Variants in UGT3A2 observed in about 807,000 individuals in gnomAD.
The protein encoded by UGT3A2 is UDP glycosyltransferase family 3 member A2.
UGT3A2 carries 32 observed loss-of-function variants against 39.8 expected under a neutral mutation model. That is an observed-to-expected ratio of 0.80 (90% CI 0.61 to 1.08). The LOEUF (loss-of-function observed/expected upper bound fraction) is 1.08, where lower values mean the gene tolerates loss of function less well. UGT3A2 is among the 50% of genes least tolerant of loss of function. UGT3A2 has a pLI of 0.00. For missense variants in UGT3A2, 611 were observed against 637.1 expected (o/e 0.96, Z 0.44); for synonymous variants, 241 against 230.7 (o/e 1.04, Z -0.40).
chr5:36,035,931 G>A lies in UGT3A2; in HGVS notation c.1339C>T (p.His447Tyr), dbSNP rs1224030280. The change falls in exon 7 of 7, where the codon CAC (histidine) becomes TAC (tyrosine). Residue 447 changes from histidine (H) to tyrosine (Y), a missense_variant. Physicochemically the swap from His to Tyr is moderately conservative, Grantham distance 83 (BLOSUM62 2). Transcript: ENST00000282507. ...AGCCGCTGTGTGGGGCTGAGCGGGT[G>A]GGAGCGCAGGATGACACTGGCAGCC... Reference protein sequence around the residue: ...AVAASVILRSHPLSPTQRLVG... With the variant: ...AVAASVILRSYPLSPTQRLVG... 6.2e-7 allele frequency: 1 copy of A among 1,614,068 alleles called. No individual in the cohort carries two copies. Among genetic ancestry groups the A allele is most frequent in the Non-Finnish European group, 8.5e-7 (1 of 1,180,034 alleles).
chr5:36,065,137 C>G (rs986334594), intron 1 of UGT3A2, among the ~76,000 whole-genome samples: 8 of 151,936 alleles, frequency 5.3e-5, no homozygotes, highest in African/African-American at 1.9e-4. Context: ...AGTACATGTT[C>G]TAATACACAG....
chr5:36,035,144 G>A lies in UGT3A2; in HGVS notation c.*554C>T, dbSNP rs950506078. 1 of 157,060 alleles carries A rather than the reference G, an allele frequency of 6.4e-6. No individual in the cohort carries two copies. Among genetic ancestry groups the A allele is most frequent in the Non-Finnish European group, 1.4e-5 (1 of 70,552 alleles). 9.7% of individuals were successfully genotyped at this position (157,060 alleles called of 1,614,324 possible). ...GGCACCAGAGACAGGGACCCAATGT[G>A]GAGACCTGTGAGCCTGTGTCCGGCC... is the stretch of plus-strand genomic sequence containing the variant. On this transcript the variant is annotated 3_prime_UTR_variant, in exon 7 of 7. Coordinates refer to ENST00000282507, the MANE Select transcript of UGT3A2 (RefSeq NM_174914.4).
In UGT3A2 at chr5:36,049,049, T is replaced by A. The variant is rs751359546; in HGVS notation, c.683A>T (p.His228Leu). ...QSTFDNTIKE[H>L]FTEGSRPVLS... is the part of the protein sequence containing the mutation. ...AACTGGCCTAGAGCCTTCTGTGAAA[T>A]GTTCCTTGATGGTGTTGTCAAATGT... Residue 228 changes from histidine to leucine, a missense_variant, in exon 4 of 7, where the codon CAT becomes CTT. By Grantham distance (99) the His-to-Leu change is moderately conservative. Transcript: ENST00000282507. The A allele has an allele frequency of 2.7e-5, 43 of 1,614,078 alleles. No homozygotes were observed. Among genetic ancestry groups the A allele is most frequent in the Non-Finnish European group, 3.3e-5 (39 of 1,180,048 alleles).
At position 36,061,618 on chromosome 5, in the gene UGT3A2, A is replaced by G. The variant is rs1004634011; in HGVS notation, c.196+2631T>C. Among the ~76,000 whole-genome samples the G allele has an allele frequency of 5.7e-4, 85 of 149,670 alleles. 1 individual carries two copies. The highest frequency in any genetic ancestry group is 2.0e-3 in the African/African-American group (80 of 40,036). On this transcript the variant is annotated intron_variant, in intron 2 of 6. Coordinates refer to ENST00000282507, the MANE Select transcript of UGT3A2 (RefSeq NM_174914.4). ...GTATTCCATGGTGTATATGTGCCAC[A>G]TTTTCTTAATCCAGTCTATCATTGT...
chr5:36,040,279 A>G (rs1741965859), intron 4 of UGT3A2, among the ~76,000 whole-genome samples: 1 of 152,226 alleles, frequency 6.6e-6, no homozygotes, highest in African/African-American at 2.4e-5. Flanking sequence ...ACAGAAAAAT[A>G]TATTTTAAAA....
chr5:36,042,625 A>G (rs1742046445), intron 4 of UGT3A2, among the ~76,000 whole-genome samples: 1 of 152,084 alleles, frequency 6.6e-6, no homozygotes, highest in Admixed American at 6.5e-5. Flanking sequence ...GAGACTTAAC[A>G]TGTTGCCTCC....
At chr5:36,059,361 C>CTTTTTTT in intron 2 of UGT3A2, among the ~76,000 whole-genome samples, 1 of 118,722 alleles carries the variant, frequency 8.4e-6, no homozygotes, top group South Asian at 2.9e-4. Flanking sequence ...TTTCTTTTCT[C>CTTTTTTT]TTTTTTTTTT....
chr5:36,039,488 C>T lies in UGT3A2; in HGVS notation c.1064G>A (p.Ser355Asn), dbSNP rs1741934168. ...NVKIVDWLPQ[S>N]DLLAHPSIRL... ...TGGGCAGCCCTTACCCAGGAGGTCA[C>T]TCTGAGGAAGCCAGTCCACAATTTT... Residue 355 changes from serine to asparagine, a missense_variant, in exon 5 of 7, where the codon AGT becomes AAT. By Grantham distance (46) the Ser-to-Asn change is conservative. Transcript: ENST00000282507. 1 of 1,614,064 alleles carries T rather than the reference C, an allele frequency of 6.2e-7. No individual in the cohort carries two copies. Among genetic ancestry groups the T allele is most frequent in the Non-Finnish European group, 8.5e-7 (1 of 1,180,034 alleles).
intron 1 of UGT3A2, 75 bp downstream of exon 1, chr5:36,066,621 C>T: frequency 6.2e-7 from 1 of 1,604,694 alleles, no homozygotes; most frequent in African/African-American, 1.3e-5. Context: ...TCTGATCAAG[C>T]GCTGTTCTCT....
At chr5:36,050,960 C>G (rs932789478) in intron 3 of UGT3A2, among the ~76,000 whole-genome samples, 1 of 151,870 alleles carries the variant, frequency 6.6e-6, no homozygotes, top group East Asian at 1.9e-4. Flanking sequence ...TTTAAGAATG[C>G]ACTCTTAACT....
intron 1 of UGT3A2, 111 bp downstream of exon 1, chr5:36,066,585 C>A (rs1244318966): frequency 6.4e-7 from 1 of 1,574,654 alleles, no homozygotes; most frequent in African/African-American, 1.3e-5. Context: ...GTCCGCAAGC[C>A]CAGCCTGGAA....
chr5:36,036,468 A>G (rs1303058280), intron 6 of UGT3A2, among the ~76,000 whole-genome samples: 3 of 152,208 alleles, frequency 2.0e-5, no homozygotes, highest in African/African-American at 7.2e-5. Context: ...CACCATGTCG[A>G]AGTTCTCAAA....
In UGT3A2 at chr5:36,037,985, G is replaced by A. The variant is rs554240255; in HGVS notation, c.1107C>T (p.His369=). 76 of 1,610,170 alleles carry A rather than the reference G, an allele frequency of 4.7e-5. No individual in the cohort carries two copies. The highest frequency in any genetic ancestry group is 7.8e-5 in the South Asian group (7 of 90,012). The part of the protein sequence containing the change: ...AHPSIRLFVT[H]GGQNSIMEAI... Reference sequence around the variant, plus strand: ...CCTCCATTATGCTATTCTGCCCGCCGTGGGTGACAAACAGACGGATGCTTG... The same window carrying A: ...CCTCCATTATGCTATTCTGCCCGCCATGGGTGACAAACAGACGGATGCTTG... Residue 369 remains histidine, a synonymous_variant, in exon 6 of 7, where the codon CAC becomes CAT. Transcript: ENST00000282507.
In UGT3A2 at chr5:36,035,809, G is replaced by T; in HGVS notation, c.1461C>A (p.Asp487Glu). The T allele has an allele frequency of 1.2e-6, 2 of 1,614,098 alleles. No individual in the cohort carries two copies. Among genetic ancestry groups the T allele is most frequent in the Non-Finnish European group, 1.7e-6 (2 of 1,180,022 alleles). The change falls in exon 7 of 7, where the codon GAC (aspartate) becomes GAA (glutamate). Residue 487 changes from aspartate to glutamate, a missense_variant. Physicochemically the swap from Asp to Glu is conservative, Grantham distance 45 (BLOSUM62 2). Transcript: ENST00000282507. The stretch of plus-strand genomic sequence containing the variant: ...TGAGCCCCAGCAGAAACACAAAAAC[G>T]TCGAGCAGGTACTGCTCATGCCAGG... ...QQPWHEQYLLDVFVFLLGLTL... is the reference protein window; with the variant it reads ...QQPWHEQYLLEVFVFLLGLTL...
intron 2 of UGT3A2, 48 bp downstream of exon 2, chr5:36,064,201 T>C: frequency 3.3e-6 from 5 of 1,531,058 alleles, no homozygotes; most frequent in Non-Finnish European, 4.5e-6. Flanking sequence ...AACAGCATTT[T>C]GCTCTTTGCT....
chr5:36,056,839 T>C (rs987964355), intron 2 of UGT3A2, among the ~76,000 whole-genome samples: 4 of 152,248 alleles, frequency 2.6e-5, no homozygotes, highest in Non-Finnish European at 4.4e-5. Flanking sequence ...CTCTCACATT[T>C]TACTATAGAC....
rs546846000 is a variant in UGT3A2 at position 36,035,691 on chromosome 5, C to T, written c.*7G>A. The T allele has an allele frequency of 4.3e-6, 7 of 1,613,328 alleles. No individual in the cohort carries two copies. The South Asian group carries it at 6.6e-5, about 15-fold the overall frequency. Reference sequence around the variant, plus strand: ...CCAAACAGACCCCGCCAAGGCTGCACCTGGCCTTATGTCTCCTTCACCTTT... The same window carrying T: ...CCAAACAGACCCCGCCAAGGCTGCATCTGGCCTTATGTCTCCTTCACCTTT... On this transcript the variant is annotated 3_prime_UTR_variant, in exon 7 of 7. Coordinates refer to ENST00000282507, the MANE Select transcript of UGT3A2 (RefSeq NM_174914.4).
chr5:36,035,348 T>G lies in UGT3A2; in HGVS notation c.*350A>C, dbSNP rs1580991739. The G allele has an allele frequency of 3.5e-6, 1 of 288,678 alleles. No homozygotes were observed. Among genetic ancestry groups the G allele is most frequent in the Non-Finnish European group, 6.7e-6 (1 of 150,036 alleles). 17.9% of individuals were successfully genotyped at this position (288,678 alleles called of 1,614,324 possible). ...GACATGGAGGCTGGAAGAGTCAGGG[T>G]GTGATTCGGAGAGGCGCATGAGAAG... is the stretch of plus-strand genomic sequence containing the variant. On this transcript the variant is annotated 3_prime_UTR_variant, in exon 7 of 7. Transcript: ENST00000282507.
At chr5:36,049,575 C>A (rs1287273) in intron 3 of UGT3A2, among the ~76,000 whole-genome samples, 155 bp from the exon 4 acceptor site, 61,075 of 152,026 alleles carry the variant, frequency 0.4, 13,633 homozygotes, top group Non-Finnish European at 0.5. Flanking sequence ...TACCCTCTGC[C>A]ATAATTATCC....
Sources: allele counts gnomAD v4.1 joint callset (sites outside exome capture counted in the v4.1 genomes callset), GRCh38; gene constraint gnomAD v4.1.1; transcripts MANE v1.5; gene names NCBI Gene and HGNC (gene_info 2026-07-23, HGNC 2026-07-21).